The following RIMS2 variants were observed in gnomAD, a reference collection of about 807,000 sequenced individuals.
The protein encoded by RIMS2 is regulating synaptic membrane exocytosis 2.
In RIMS2, 59 loss-of-function variants were observed where a neutral mutation model predicts 174.4. The ratio of observed to expected loss-of-function variants is 0.34; its 90% CI spans 0.27 to 0.42. RIMS2 has a LOEUF of 0.42. Among genes scored for constraint, RIMS2 ranks in the 10% least tolerant of loss-of-function variants. The pLI is 1.00. For missense variants in RIMS2, 1,620 were observed against 1,666.3 expected, an observed-to-expected ratio of 0.97 and a Z score of 0.48; for synonymous variants, 606 against 572.5, an observed-to-expected ratio of 1.06 and a Z score of -0.84.
At position 103,611,917 on chromosome 8, in the gene RIMS2, G is replaced by T. The variant is rs112067342; in HGVS notation, c.177-85169G>T. On this transcript the variant is annotated intron_variant, in intron 1 of 23. Coordinates refer to ENST00000504942, the Ensembl canonical transcript of RIMS2. ...TTTAAGGCCAATGATTCTTAGATTT[G>T]CCCTTTTCAGTCTATTTTCTAGATC... Among the ~76,000 whole-genome samples the T allele has an allele frequency of 9.9e-5, 15 of 151,102 alleles. No homozygotes were observed. In the East Asian group the frequency reaches 2.9e-3, roughly 29 times the overall value.
intron 3 of RIMS2, among the ~76,000 whole-genome samples, chr8:103,790,495 T>C (rs1323461921): frequency 6.6e-6 from 1 of 152,238 alleles, no homozygotes; most frequent in Non-Finnish European, 1.5e-5. Flanking sequence ...CTTTTATTCA[T>C]CAGTTGATGG....
intron 1 of RIMS2, among the ~76,000 whole-genome samples, chr8:103,602,250 G>C (rs532502701): frequency 6.6e-6 from 1 of 152,236 alleles, no homozygotes; most frequent in African/African-American, 2.4e-5. Context: ...GCCTCCCAAA[G>C]TACTGGGATT....
intron 1 of RIMS2, among the ~76,000 whole-genome samples, chr8:103,646,586 A>G (rs1461039493): frequency 6.6e-6 from 1 of 151,870 alleles, no homozygotes; most frequent in Non-Finnish European, 1.5e-5. Context: ...TGTTTCCCCC[A>G]TGTGTCCATG....
intron 2 of RIMS2, among the ~76,000 whole-genome samples, chr8:103,697,756 G>T (rs768896104): frequency 9.2e-5 from 14 of 152,102 alleles, no homozygotes; most frequent in Non-Finnish European, 1.5e-4. Context: ...GCAGGGTGCG[G>T]TGGCTCAAAC....
chr8:104,035,513 T>A (rs914608148), intron 19 of RIMS2, among the ~76,000 whole-genome samples: 2 of 151,840 alleles, frequency 1.3e-5, no homozygotes, highest in Non-Finnish European at 2.9e-5. Context: ...GTAGGTTTTT[T>A]TTTTTACTTA....
At chr8:104,193,508 T>C (rs920111476) in intron 19 of RIMS2, among the ~76,000 whole-genome samples, 2 of 152,188 alleles carry the variant, frequency 1.3e-5, no homozygotes, top group Non-Finnish European at 2.9e-5. Context: ...TTTAATTAAT[T>C]TGGGGCCAAG....
chr8:103,749,493 T>G (rs1323713636), intron 2 of RIMS2, among the ~76,000 whole-genome samples: 3 of 152,120 alleles, frequency 2.0e-5, no homozygotes, highest in Non-Finnish European at 4.4e-5. Context: ...TTAATTTTTT[T>G]GGTACATAGT....
chr8:104,074,475 T>C (rs1034600319), intron 19 of RIMS2, among the ~76,000 whole-genome samples: 18 of 152,146 alleles, frequency 1.2e-4, no homozygotes, highest in African/African-American at 4.1e-4. Context: ...ACAGCAAATA[T>C]AATAATAGAC....
intron 3 of RIMS2, among the ~76,000 whole-genome samples, chr8:103,814,020 T>G (rs553519093): frequency 2.6e-5 from 4 of 152,256 alleles, no homozygotes; most frequent in Admixed American, 2.6e-4. Flanking sequence ...AATGGTAGAC[T>G]GCATAAAAAA....
intron 19 of RIMS2, among the ~76,000 whole-genome samples, chr8:104,176,752 A>G (rs2098900378): frequency 6.6e-6 from 1 of 151,712 alleles, no homozygotes; most frequent in African/African-American, 2.4e-5. Context: ...AAAAAATGAA[A>G]CATAAATAAT....
exon 12 of RIMS2, chr8:103,931,280 C>A: frequency 6.3e-7 from 1 of 1,598,506 alleles, no homozygotes; most frequent in Non-Finnish European, 8.5e-7. Context: ...TATGGTTTGA[C>A]AAGGTTGGTC....
intron 19 of RIMS2, among the ~76,000 whole-genome samples, chr8:104,190,074 G>A (rs2098989856): frequency 6.6e-6 from 1 of 151,930 alleles, no homozygotes; most frequent in Admixed American, 6.6e-5. Context: ...GAGGCTGAGG[G>A]GGAGGATTAC....
chr8:103,906,301 A>G (rs554863672), intron 4 of RIMS2, among the ~76,000 whole-genome samples: 1 of 152,148 alleles, frequency 6.6e-6, no homozygotes, highest in African/African-American at 2.4e-5. Context: ...CTGGAGTGCA[A>G]TGGCACTGTC....
intron 16 of RIMS2, among the ~76,000 whole-genome samples, chr8:103,986,187 A>G (rs191801067): frequency 6.6e-6 from 1 of 152,346 alleles, no homozygotes; most frequent in Admixed American, 6.5e-5. Flanking sequence ...AACATCATGT[A>G]TACCATAAAT....
At chr8:103,564,946 A>G (rs2092147082) in intron 1 of RIMS2, among the ~76,000 whole-genome samples, 1 of 152,172 alleles carries the variant, frequency 6.6e-6, no homozygotes, top group Non-Finnish European at 1.5e-5. Flanking sequence ...AGTGAGAGTG[A>G]GGAGAGAGAG....
At chr8:103,685,174 C>T (rs1019428037) in intron 1 of RIMS2, among the ~76,000 whole-genome samples, 1 of 150,880 alleles carries the variant, frequency 6.6e-6, no homozygotes, top group African/African-American at 2.4e-5. Flanking sequence ...GAAATACCTG[C>T]GTAATTTTTA....
At position 103,918,696 on chromosome 8, in the gene RIMS2, T is replaced by C. The variant is rs1282660222; in HGVS notation, c.2083+209T>C. 5 of 529,848 alleles carry C rather than the reference T, an allele frequency of 9.4e-6. No homozygotes were observed. In the Admixed American group the frequency reaches 1.3e-4, roughly 13 times the overall value. The allele number at this position is 529,848 out of a possible 1,614,324, so 32.8% of individuals were successfully genotyped here. ...ATATTTTAAGTTTTTTTTAAACATGTCTTATTACAGATTTTTAGATAGCAT... is the reference window on the plus strand; with the variant it reads ...ATATTTTAAGTTTTTTTTAAACATGCCTTATTACAGATTTTTAGATAGCAT... On this transcript the variant is annotated intron_variant, in intron 9 of 23. Coordinates refer to ENST00000504942, the Ensembl canonical transcript of RIMS2.
At chr8:104,052,085 G>T (rs2096796390) in intron 19 of RIMS2, among the ~76,000 whole-genome samples, 1 of 152,106 alleles carries the variant, frequency 6.6e-6, no homozygotes, top group South Asian at 2.1e-4. Context: ...GTGGTTACCT[G>T]GGCAAGCAAG....
At chr8:104,247,115 C>T (rs2099338124) in intron 20 of RIMS2, among the ~76,000 whole-genome samples, 1 of 152,030 alleles carries the variant, frequency 6.6e-6, no homozygotes, top group African/African-American at 2.4e-5. Flanking sequence ...TTAGTGAGGT[C>T]AGATTCTGAA....
Sources: gnomAD v4.1 joint callset for allele counts (sites outside exome capture counted in the v4.1 genomes callset) on GRCh38, gnomAD v4.1.1 for gene constraint, MANE v1.5 for transcripts, NCBI Gene and HGNC (gene_info 2026-07-23, HGNC 2026-07-21) for gene names.